BEGAIN: variants seen among roughly 807,000 people sequenced by gnomAD.
BEGAIN encodes the protein brain enriched guanylate kinase associated, also known as brain-enriched guanylate kinase-associated protein.
A neutral mutation model predicts 35.8 loss-of-function variants in BEGAIN; 19 were observed. The observed-to-expected ratio is 0.53, with a 90% confidence interval of 0.37 to 0.78. The LOEUF is 0.78. Ranked by LOEUF, BEGAIN falls within the 30% of genes least tolerant of loss-of-function variation. The probability of loss-of-function intolerance (pLI) is 0.00; values close to 1 mark genes in which losing one functional copy is unlikely to be tolerated. For synonymous variants in BEGAIN, 462 were observed against 388.6 expected (o/e 1.19, Z -2.22); for missense variants, 795 against 853.6 (o/e 0.93, Z 0.85).
At chr14:100,587,144 C>G (rs1412764206) in intron 1 of BEGAIN, 105 bp downstream of exon 1, 4 of 149,956 alleles carry the variant, frequency 2.7e-5, no homozygotes, top group Middle Eastern at 3.5e-3. Flanking sequence ...GGCGGGGGGC[C>G]GGCCACCTCC....
rs776729748 is a variant in BEGAIN at position 100,586,610 on chromosome 14, C to T, written c.42+639G>A. On this transcript the variant is annotated intron_variant, in intron 1 of 6. Transcript: ENST00000554140. This position sits in a 1 kb window ranked among gnomAD's most constrained non-coding sequence, Gnocchi z 4.9. ...CGTGCTGGGGCTCAGGGAGGGTGAG[C>T]GCGCCGGCTGAGCCGCTCTGGGCGA... Among the ~76,000 whole-genome samples the T allele has an allele frequency of 1.3e-4, 20 of 152,170 alleles. No individual in the cohort carries two copies. Among genetic ancestry groups the T allele is most frequent in the Non-Finnish European group, 2.5e-4 (17 of 68,028 alleles).
At chr14:100,576,688 C>T (rs1566981814) in intron 1 of BEGAIN, among the ~76,000 whole-genome samples, 2 of 152,188 alleles carry the variant, frequency 1.3e-5, no homozygotes, top group Non-Finnish European at 2.9e-5. Flanking sequence ...CAGGAAAGGT[C>T]AGCACCAAGG....
Position 100,568,898 on chromosome 14 carries a change from CCTGGGAAGA to C in BEGAIN, c.43-968_43-960del. 1 of 984,792 alleles carries C rather than the reference CCTGGGAAGA, an allele frequency of 1.0e-6. No homozygotes were observed. The highest frequency in any genetic ancestry group is 1.2e-6 in the Non-Finnish European group (1 of 829,820). 61.0% of individuals were successfully genotyped at this position (984,792 alleles called of 1,614,324 possible). A position where few individuals can be genotyped will look rare whatever the true frequency, so the allele number is the denominator to read the frequency against. ...CCGAGCTCAGGGACCACGCGACAGA[CCTGGGAAGA>C]CTGATGACTGCCCATCCCGGCCCCT... On this transcript the variant is annotated intron_variant, in intron 1 of 6. Coordinates refer to ENST00000554140, the MANE Select transcript of BEGAIN (RefSeq NM_001385089.1). The surrounding 1 kb of genome is among the most constrained non-coding windows in gnomAD (Gnocchi z 7.5).
intron 6 of BEGAIN, 87 bp downstream of exon 6, chr14:100,540,409 G>A: frequency 9.7e-7 from 1 of 1,036,240 alleles, no homozygotes; most frequent in South Asian, 1.4e-5. Flanking sequence ...CCTCCTCAAA[G>A]ATGGGAAATG....
At chr14:100,564,830 G>C (rs1489696753) in intron 2 of BEGAIN, among the ~76,000 whole-genome samples, 2 of 152,038 alleles carry the variant, frequency 1.3e-5, no homozygotes, top group Non-Finnish European at 2.9e-5. Flanking sequence ...AGACACCCCA[G>C]ATGTCAGTGG....
In BEGAIN at chr14:100,567,799, C is replaced by CG; in HGVS notation, c.71+111_71+112insC. ...TGGCCCGCAGCCCCGCCGAGGCCGC[C>CG]CGCGGGCCCTGGGGGATGCGCTCGG... On this transcript the variant is annotated intron_variant, in intron 2 of 6. Transcript: ENST00000554140. This position sits in a 1 kb window ranked among gnomAD's most constrained non-coding sequence, Gnocchi z 5.1. 1 of 1,155,456 alleles carries CG rather than the reference C, an allele frequency of 8.7e-7. No homozygotes were observed. The highest frequency in any genetic ancestry group is 1.1e-6 in the Non-Finnish European group (1 of 883,250). The allele number at this position is 1,155,456 out of a possible 1,614,324, so 71.6% of individuals were successfully genotyped here.
At chr14:100,551,838 G>A (rs766355772) in intron 2 of BEGAIN, among the ~76,000 whole-genome samples, 2 of 152,126 alleles carry the variant, frequency 1.3e-5, no homozygotes, top group Non-Finnish European at 2.9e-5. Flanking sequence ...AGAAGTGGGC[G>A]GGGGTCTGAT....
In BEGAIN at chr14:100,567,897, G is replaced by T; in HGVS notation, c.71+14C>A. 6.8e-7 allele frequency: 1 copy of T among 1,466,770 alleles called. No individual in the cohort carries two copies. Among genetic ancestry groups the T allele is most frequent in the African/African-American group, 1.5e-5 (1 of 67,218 alleles). 90.9% of individuals were successfully genotyped at this position (1,466,770 alleles called of 1,614,324 possible). A position where few individuals can be genotyped will look rare whatever the true frequency, so the allele number is the denominator to read the frequency against. On this transcript the variant is annotated intron_variant, in intron 2 of 6. Transcript: ENST00000554140. The surrounding 1 kb of genome is among the most constrained non-coding windows in gnomAD (Gnocchi z 5.1). ...GGCCCCCGCGAGCCGCGGCACGGGA[G>T]ACGCTCCACTCACCTGAGTTTCTCC...
At chr14:100,585,776 C>T (rs952749397) in intron 1 of BEGAIN, among the ~76,000 whole-genome samples, 2 of 152,190 alleles carry the variant, frequency 1.3e-5, no homozygotes, top group African/African-American at 4.8e-5. Context: ...CCTCCCCACT[C>T]AGCTCCCAGG....
chr14:100,573,841 G>A lies in BEGAIN; in HGVS notation c.43-5902C>T, dbSNP rs540426622. On this transcript the variant is annotated intron_variant, in intron 1 of 6. Transcript: ENST00000554140. This position sits in a 1 kb window ranked among gnomAD's most constrained non-coding sequence, Gnocchi z 4.2. ...CCGCAGCACTGGGGAGGCCGCCAGG[G>A]CAGCCACGGTGGGAGGCGACAGGGG... Among the ~76,000 whole-genome samples, 1 of 152,090 alleles carries A rather than the reference G, an allele frequency of 6.6e-6. No individual in the cohort carries two copies. Among genetic ancestry groups the A allele is most frequent in the South Asian group, 2.1e-4 (1 of 4,810 alleles).
At position 100,538,044 on chromosome 14, in the gene BEGAIN, C is replaced by T. The variant is rs778000509; in HGVS notation, c.1764G>A (p.Pro588=). Residue 588 remains proline, a synonymous_variant, in exon 7 of 7, where the codon CCG becomes CCA. Coordinates refer to ENST00000554140, the MANE Select transcript of BEGAIN (RefSeq NM_001385089.1). ...GGCTCAGCCCCGAGCCACCAGTCCG[C>T]GGAAAGGCCTGCTGGGGGCTGAGGC... ...AARLSPQQAF[P]RTGGSGLSRK... is the part of the protein sequence containing the mutation. The T allele has an allele frequency of 2.5e-6, 4 of 1,607,506 alleles. No individual in the cohort carries two copies. The highest frequency in any genetic ancestry group is 1.7e-5 in the Admixed American group (1 of 59,364).
intron 2 of BEGAIN, 96 bp from the exon 3 acceptor site, chr14:100,546,758 G>T: frequency 8.2e-7 from 1 of 1,223,946 alleles, no homozygotes; most frequent in Non-Finnish European, 1.1e-6. Flanking sequence ...TAACACGCGA[G>T]TACCGGCGCG....
rs1489086754 is a variant in BEGAIN, at chr14:100,538,989, C to G, written c.819G>C (p.Val273=). 1 of 1,610,346 alleles carries G rather than the reference C, an allele frequency of 6.2e-7. No homozygotes were observed. Among genetic ancestry groups the G allele is most frequent in the Admixed American group, 1.7e-5 (1 of 59,776 alleles). ...TGGAGTTCTGGGCCCGCAGGAAGCC[C>G]ACGTCGGTCACGGGCGCGTCCACGC... The part of the protein sequence containing the change: ...RPSVDAPVTD[V]GFLRAQNSTD... The change falls in exon 7 of 7, where the codon GTG becomes GTC. Residue 273 remains valine (V), a synonymous_variant. Transcript: ENST00000554140.
At chr14:100,545,348 A>C in intron 3 of BEGAIN, 6 of 1,307,480 alleles carry the variant, frequency 4.6e-6, no homozygotes, top group Admixed American at 6.9e-5. Flanking sequence ...GTTATTCACA[A>C]GAGACTCTGT....
At chr14:100,554,756 A>T (rs1372617173) in intron 2 of BEGAIN, among the ~76,000 whole-genome samples, 22 of 151,996 alleles carry the variant, frequency 1.4e-4, no homozygotes, top group Non-Finnish European at 7.4e-5. Context: ...CTAGACCCAG[A>T]CTATGTTCTA....
At chr14:100,570,133 C>T (rs886547640) in intron 1 of BEGAIN, among the ~76,000 whole-genome samples, 4 of 152,326 alleles carry the variant, frequency 2.6e-5, no homozygotes, top group East Asian at 1.9e-4. Flanking sequence ...CAATCACTCA[C>T]GGCGAATGAC....
At chr14:100,565,728 CCTGGGCCTGCT>C (rs1322843442) in intron 2 of BEGAIN, among the ~76,000 whole-genome samples, 2 of 152,182 alleles carry the variant, frequency 1.3e-5, no homozygotes, top group Admixed American at 6.5e-5. Flanking sequence ...AGACCCTCTA[CCTGGGCCTGCT>C]CTGGGCCAGG....
chr14:100,572,885 A>T (rs2035114929), intron 1 of BEGAIN, among the ~76,000 whole-genome samples: 1 of 152,042 alleles, frequency 6.6e-6, no homozygotes, highest in Non-Finnish European at 1.5e-5. Context: ...CATTTGGCAA[A>T]CACTGACTGT....
chr14:100,541,750 C>T (rs1431549342), intron 5 of BEGAIN, among the ~76,000 whole-genome samples: 1 of 152,228 alleles, frequency 6.6e-6, no homozygotes, highest in Non-Finnish European at 1.5e-5. Flanking sequence ...GCCCCTGGGG[C>T]ACCTGGCTGA....
Sources: allele counts gnomAD v4.1 joint callset (sites outside exome capture counted in the v4.1 genomes callset), GRCh38; gene constraint gnomAD v4.1.1; non-coding constraint Gnocchi (gnomAD v3.1); transcripts MANE v1.5; gene names NCBI Gene and HGNC (gene_info 2026-07-23, HGNC 2026-07-21).